ICA1: variants seen among roughly 807,000 people sequenced by gnomAD.
ICA1 encodes the protein islet cell autoantigen 1, also known as 69 kDa islet cell autoantigen.
A neutral mutation model predicts 71.0 loss-of-function variants in ICA1; 40 were observed. The observed-to-expected ratio is 0.56, with a 90% CI of 0.44 to 0.73. The LOEUF is 0.73. Ranked by LOEUF, ICA1 falls within the 30% of genes least tolerant of loss-of-function variation. The pLI is 0.00. For missense variants in ICA1, 578 were observed against 576.5 expected (o/e 1.00, Z -0.03); for synonymous variants, 207 against 209.5 (o/e 0.99, Z 0.10).
chr7:8,128,709 T>C (rs1790279699), intron 12 of ICA1, among the ~76,000 whole-genome samples: 1 of 152,178 alleles, frequency 6.6e-6, no homozygotes, highest in Non-Finnish European at 1.5e-5. Context: ...GAAACTCCAT[T>C]GCATGAAGCA....
At chr7:8,118,152 A>C (rs1785387025) in intron 13 of ICA1, among the ~76,000 whole-genome samples, 1 of 152,248 alleles carries the variant, frequency 6.6e-6, no homozygotes, top group South Asian at 2.1e-4. Flanking sequence ...TATTACAATA[A>C]TACTCACTGG....
intron 6 of ICA1, among the ~76,000 whole-genome samples, chr7:8,196,451 C>G (rs1787612452): frequency 2.0e-5 from 3 of 152,154 alleles, no homozygotes; most frequent in Admixed American, 2.0e-4. Flanking sequence ...ATACATTTGT[C>G]AAAACATAGA....
At chr7:8,127,680 G>A (rs545997556) in intron 13 of ICA1, among the ~76,000 whole-genome samples, 193 bp downstream of exon 13, 40 of 152,210 alleles carry the variant, frequency 2.6e-4, no homozygotes, top group Admixed American at 7.2e-4. Context: ...TAACACAGGG[G>A]AGAATTATGA....
At chr7:8,131,236 G>C (rs985709101) in intron 12 of ICA1, among the ~76,000 whole-genome samples, 7 of 152,224 alleles carry the variant, frequency 4.6e-5, no homozygotes, top group Non-Finnish European at 7.3e-5. Flanking sequence ...CATTGTCTAA[G>C]CGCCTGGATC....
intron 8 of ICA1, among the ~76,000 whole-genome samples, chr7:8,151,441 A>T (rs1798772103): frequency 1.3e-5 from 2 of 152,122 alleles, no homozygotes; most frequent in Non-Finnish European, 2.9e-5. Flanking sequence ...ATGCATCCCA[A>T]TTTTCTGTTT....
intron 6 of ICA1, among the ~76,000 whole-genome samples, chr7:8,176,419 C>T (rs1028866558): frequency 6.6e-5 from 10 of 152,210 alleles, no homozygotes; most frequent in Admixed American, 5.2e-4. Context: ...TTCCTCCTCT[C>T]TGCAGTCAGT....
Position 8,132,592 on chromosome 7 carries a change from T to C in ICA1, c.1061-4450A>G, listed in dbSNP as rs542082976. 9.9e-4 allele frequency among the ~76,000 whole-genome samples: 151 copies of C among 152,346 alleles called. No individual in the cohort carries two copies. Among genetic ancestry groups the C allele is most frequent in the Non-Finnish European group, 1.7e-3 (117 of 68,024 alleles). ...ACCTGTACAGCATCATTTGTACCAC[T>C]GCCCAGCCTGGAAATGCTGCTATCT... On this transcript the variant is annotated intron_variant, in intron 12 of 13. Transcript: ENST00000402384. The surrounding 1 kb of genome is among the most constrained non-coding windows in gnomAD (Gnocchi z 4.5).
intron 12 of ICA1, among the ~76,000 whole-genome samples, chr7:8,131,840 G>A (rs1457610220): frequency 6.6e-6 from 1 of 152,170 alleles, no homozygotes; most frequent in East Asian, 1.9e-4. Flanking sequence ...ACTCAACTGA[G>A]AGATAATGGA....
At chr7:8,260,785 A>T (rs1812036139) in intron 1 of ICA1, among the ~76,000 whole-genome samples, 1 of 152,238 alleles carries the variant, frequency 6.6e-6, no homozygotes, top group South Asian at 2.1e-4. Flanking sequence ...AAGCATTTTT[A>T]GAGAGTGTGT....
At chr7:8,221,549 C>G (rs1271310212) in intron 4 of ICA1, 151 bp from the exon 5 acceptor site, 1 of 781,588 alleles carries the variant, frequency 1.3e-6, no homozygotes, top group African/African-American at 1.8e-5. Context: ...TAAGCTCCCC[C>G]TACCCCCCAT....
intron 6 of ICA1, among the ~76,000 whole-genome samples, chr7:8,196,491 T>C (rs1167187655): frequency 2.0e-5 from 3 of 152,206 alleles, no homozygotes; most frequent in African/African-American, 7.2e-5. Context: ...AACCCTAATG[T>C]AAACTCTAGA....
intron 1 of ICA1, among the ~76,000 whole-genome samples, chr7:8,261,794 T>G (rs1450326663): frequency 6.6e-6 from 1 of 152,102 alleles, no homozygotes; most frequent in Admixed American, 6.5e-5. Context: ...CTCCCAGCGC[T>G]GGGGCCGGAG....
intron 8 of ICA1, among the ~76,000 whole-genome samples, chr7:8,154,452 T>C (rs1800797267): frequency 6.6e-6 from 1 of 152,162 alleles, no homozygotes; most frequent in South Asian, 2.1e-4. Flanking sequence ...AATGGCACAA[T>C]TACCAACACA....
intron 13 of ICA1, among the ~76,000 whole-genome samples, chr7:8,121,684 T>C (rs185954776): frequency 1.2e-4 from 18 of 152,316 alleles, no homozygotes; most frequent in Admixed American, 6.5e-4. Flanking sequence ...TGATCTAGCA[T>C]TCGATAGCAC....
chr7:8,256,287 T>C (rs909017047), intron 1 of ICA1, among the ~76,000 whole-genome samples: 1 of 152,178 alleles, frequency 6.6e-6, no homozygotes, highest in Non-Finnish European at 1.5e-5. Context: ...AATGTTTTAA[T>C]TGCTTTCTCT....
chr7:8,259,314 AC>A (rs1387491817), intron 1 of ICA1, among the ~76,000 whole-genome samples: 19 of 152,346 alleles, frequency 1.2e-4, no homozygotes, highest in African/African-American at 4.6e-4. Context: ...TCCATGGACC[AC>A]GTTTGAGTGA....
chr7:8,257,238 G>A (rs1226869294), intron 1 of ICA1, among the ~76,000 whole-genome samples: 1 of 152,110 alleles, frequency 6.6e-6, no homozygotes, highest in Non-Finnish European at 1.5e-5. Flanking sequence ...TAAGGAGAGG[G>A]GCACTATTTA....
intron 6 of ICA1, among the ~76,000 whole-genome samples, chr7:8,178,590 T>TTA (rs1554315265): frequency 4.0e-5 from 6 of 148,340 alleles, no homozygotes; most frequent in African/African-American, 7.4e-5. Flanking sequence ...TTTTTTTTTT[T>TTA]AAAAAAGAAG....
chr7:8,127,845 A>G, intron 13 of ICA1, 28 bp downstream of exon 13: 2 of 1,555,578 alleles, frequency 1.3e-6, no homozygotes, highest in South Asian at 1.2e-5. Flanking sequence ...CAAACAAAAA[A>G]CCCCATTTCA....
Sources: gnomAD v4.1 joint callset for allele counts (sites outside exome capture counted in the v4.1 genomes callset) on GRCh38, gnomAD v4.1.1 for gene constraint, Gnocchi (gnomAD v3.1) non-coding constraint, MANE v1.5 for transcripts, NCBI Gene and HGNC (gene_info 2026-07-23, HGNC 2026-07-21) for gene names.